The following ARIH1 variants were observed in gnomAD, a reference collection of about 807,000 sequenced individuals.
ARIH1 encodes E3 ubiquitin-protein ligase ARIH1.
ARIH1 carries 8 observed loss-of-function variants against 85.0 expected under a neutral mutation model. The ratio of observed to expected loss-of-function variants is 0.09; its 90% CI spans 0.06 to 0.17. The LOEUF is 0.17. ARIH1 is among the 10% of genes least tolerant of loss of function. ARIH1 has a pLI of 1.00. For missense variants in ARIH1, 311 were observed against 718.1 expected (o/e 0.43, Z 6.48); for synonymous variants, 238 against 253.6 (o/e 0.94, Z 0.59).
At chr15:72,526,854 C>CT (rs1166247080) in intron 2 of ARIH1, among the ~76,000 whole-genome samples, 3 of 126,968 alleles carry the variant, frequency 2.4e-5, no homozygotes, top group African/African-American at 7.9e-5. Flanking sequence ...CTTTTACTGT[C>CT]TAATGCTTTT....
chr15:72,577,047 G>T (rs1279952734), intron 11 of ARIH1, among the ~76,000 whole-genome samples: 2 of 151,652 alleles, frequency 1.3e-5, no homozygotes, highest in African/African-American at 2.4e-5. Flanking sequence ...CCAGTGGCAG[G>T]TCTCAGCTCC....
At chr15:72,509,795 G>T (rs2063942030) in intron 1 of ARIH1, among the ~76,000 whole-genome samples, 1 of 151,840 alleles carries the variant, frequency 6.6e-6, no homozygotes, top group Non-Finnish European at 1.5e-5. Context: ...TTGCTTTGTT[G>T]CCCAGGCTAG....
chr15:72,602,619 G>A lies in ARIH1; in HGVS notation c.*19327G>A, dbSNP rs1320536169. On this transcript the variant is annotated 3_prime_UTR_variant, in exon 14 of 14. Transcript: ENST00000379887. ...TTTATATGGGCCTAAGAGTCTTACT[G>A]AAAATTGGAAGTCTTAAGGTGTAGT... 6.6e-6 allele frequency: 1 copy of A among 152,168 alleles called. No homozygotes were observed. Among genetic ancestry groups the A allele is most frequent in the Non-Finnish European group, 1.5e-5 (1 of 68,026 alleles). The allele number at this position is 152,168 out of a possible 1,614,324, so 9.4% of individuals were successfully genotyped here. A position where few individuals can be genotyped will look rare whatever the true frequency, so the allele number is the denominator to read the frequency against.
rs529603290 is a variant in ARIH1 at position 72,484,645 on chromosome 15, A to G, written c.375+9631A>G. Among the ~76,000 whole-genome samples, 150 of 151,028 alleles carry G rather than the reference A, an allele frequency of 9.9e-4. 2 individuals carry two copies. In the South Asian group the frequency reaches 0.014, roughly 14 times the overall value. ...AGTATTCCATCATATATATATATAT[A>G]TGTGTATATATATATGTGTGTGTAT... On this transcript the variant is annotated intron_variant, in intron 1 of 13. Transcript: ENST00000379887.
chr15:72,522,640 A>G (rs1359465552), intron 2 of ARIH1, among the ~76,000 whole-genome samples: 3 of 152,360 alleles, frequency 2.0e-5, no homozygotes, highest in Admixed American at 2.0e-4. Context: ...AGATAAAATT[A>G]GATATTAATG....
At chr15:72,571,425 C>G (rs1172805110) in intron 10 of ARIH1, among the ~76,000 whole-genome samples, 1 of 152,178 alleles carries the variant, frequency 6.6e-6, no homozygotes, top group Non-Finnish European at 1.5e-5. Flanking sequence ...AATAGCTGCT[C>G]CCATAATGTA....
intron 1 of ARIH1, among the ~76,000 whole-genome samples, chr15:72,485,511 A>G (rs2063834276): frequency 6.6e-6 from 1 of 152,008 alleles, no homozygotes; most frequent in Admixed American, 6.6e-5. Flanking sequence ...ATCTCAATAC[A>G]GTGTTTGCCT....
intron 11 of ARIH1, among the ~76,000 whole-genome samples, chr15:72,578,885 G>A (rs1474533275): frequency 2.1e-5 from 3 of 144,780 alleles, no homozygotes; most frequent in Non-Finnish European, 4.5e-5. Context: ...GGTGCAACTC[G>A]GCAATTCTCC....
chr15:72,528,074 TA>T (rs150680685), intron 2 of ARIH1, among the ~76,000 whole-genome samples: 214 of 148,134 alleles, frequency 1.4e-3, no homozygotes, highest in South Asian at 3.8e-3. Flanking sequence ...TGATAACAAG[TA>T]AAAAAAAAAG....
Position 72,526,860 on chromosome 15 carries a change from C to CTTT in ARIH1, c.443+8740_443+8742dup, listed in dbSNP as rs58241698. Among the ~76,000 whole-genome samples the CTTT allele has an allele frequency of 3.3e-3, 460 of 138,136 alleles. 4 individuals are homozygous for CTTT. The highest frequency in any genetic ancestry group is 0.011 in the South Asian group (49 of 4,396). The allele number at this position is 138,136 out of a possible 152,430, so 90.6% of individuals were successfully genotyped here. A position where few individuals can be genotyped will look rare whatever the true frequency, so the allele number is the denominator to read the frequency against. The stretch of plus-strand genomic sequence containing the variant: ...ATTTTCTTTCTTTTACTGTCTAATG[C>CTTT]TTTTTTTTTTTTTTTTAAATCTCTG... On this transcript the variant is annotated intron_variant, in intron 2 of 13. Transcript: ENST00000379887.
chr15:72,484,621 G>T (rs1286853804), intron 1 of ARIH1, among the ~76,000 whole-genome samples: 2 of 150,940 alleles, frequency 1.3e-5, no homozygotes, highest in African/African-American at 2.4e-5. Context: ...TGGCTGAGTA[G>T]TATTCCATCA....
At chr15:72,552,556 C>G (rs2064157180) in intron 3 of ARIH1, among the ~76,000 whole-genome samples, 1 of 152,136 alleles carries the variant, frequency 6.6e-6, no homozygotes. Flanking sequence ...TCCCAAAGTG[C>G]TGGGCTTACA....
At position 72,600,084 on chromosome 15, in the gene ARIH1, G is replaced by A. The variant is rs920953129; in HGVS notation, c.*16792G>A. The A allele has an allele frequency of 1.3e-5, 2 of 152,156 alleles. No homozygotes were observed. Among genetic ancestry groups the A allele is most frequent in the African/African-American group, 4.8e-5 (2 of 41,426 alleles). The allele number at this position is 152,156 out of a possible 1,614,324, so 9.4% of individuals were successfully genotyped here. A position where few individuals can be genotyped will look rare whatever the true frequency, so the allele number is the denominator to read the frequency against. ...TGGCATCAGAACAAAGCTGGCTATGGACCTTGTCAGTACAAATGATAAAAC... is the reference window on the plus strand; with the variant it reads ...TGGCATCAGAACAAAGCTGGCTATGAACCTTGTCAGTACAAATGATAAAAC... On this transcript the variant is annotated 3_prime_UTR_variant, in exon 14 of 14. Transcript: ENST00000379887.
At chr15:72,550,032 A>T (rs561406999) in intron 3 of ARIH1, among the ~76,000 whole-genome samples, 29 of 152,202 alleles carry the variant, frequency 1.9e-4, no homozygotes, top group Admixed American at 1.4e-3. Context: ...CTGCGATAAT[A>T]ATATGTTCCT....
intron 2 of ARIH1, among the ~76,000 whole-genome samples, chr15:72,534,334 G>A (rs1324954422): frequency 1.3e-5 from 2 of 151,808 alleles, no homozygotes; most frequent in Admixed American, 6.6e-5. Flanking sequence ...CGTTTAGGGG[G>A]GCTTGTAGAG....
rs1400942872 is a variant in ARIH1, at chr15:72,474,389, A to G, written c.-251A>G. 3.9e-6 allele frequency: 2 copies of G among 513,632 alleles called. No individual in the cohort carries two copies. Among genetic ancestry groups the G allele is most frequent in the Admixed American group, 3.9e-5 (1 of 25,682 alleles). The allele number at this position is 513,632 out of a possible 1,614,324, so 31.8% of individuals were successfully genotyped here. A position where few individuals can be genotyped will look rare whatever the true frequency, so the allele number is the denominator to read the frequency against. On this transcript the variant is annotated 5_prime_UTR_variant, in exon 1 of 14. Coordinates refer to ENST00000379887, the MANE Select transcript of ARIH1 (RefSeq NM_005744.5). The stretch of plus-strand genomic sequence containing the variant: ...GGGACTGTTTTCTCTCGGAGGCCGG[A>G]GCGGAGCCGCGTCTGACTGAGGCGG...
chr15:72,480,296 G>C (rs570349865), intron 1 of ARIH1, among the ~76,000 whole-genome samples: 9 of 139,676 alleles, frequency 6.4e-5, no homozygotes, highest in African/African-American at 2.4e-4. Context: ...ATGTCTCACT[G>C]TGTCACCCAG....
intron 3 of ARIH1, among the ~76,000 whole-genome samples, chr15:72,548,647 G>A (rs1567353141): frequency 6.6e-6 from 1 of 152,134 alleles, no homozygotes; most frequent in Admixed American, 6.5e-5. Context: ...ATAATTTTTA[G>A]ACTCATATAG....
At chr15:72,532,210 G>A (rs2064060429) in intron 2 of ARIH1, among the ~76,000 whole-genome samples, 1 of 150,200 alleles carries the variant, frequency 6.7e-6, no homozygotes. Flanking sequence ...CTTTGATGAG[G>A]TTAGGAAAAA....
Sources: allele counts gnomAD v4.1 joint callset (sites outside exome capture counted in the v4.1 genomes callset), GRCh38; gene constraint gnomAD v4.1.1; transcripts MANE v1.5; gene names NCBI Gene and HGNC (gene_info 2026-07-23, HGNC 2026-07-21).